Variants in XPOT observed in about 807,000 individuals in gnomAD.
XPOT encodes the protein exportin for tRNA.
In XPOT, 34 loss-of-function variants were observed where a neutral mutation model predicts 128.2. That is an observed-to-expected ratio of 0.27 (90% confidence interval 0.20 to 0.35). The LOEUF (loss-of-function observed/expected upper bound fraction) is 0.35, where lower values mean the gene tolerates loss of function less well. Among genes scored for constraint, XPOT ranks in the 10% least tolerant of loss-of-function variants. The pLI, the probability that XPOT is intolerant of heterozygous loss-of-function variation, is 1.00. For synonymous variants in XPOT, 348 were observed against 394.3 expected, an observed-to-expected ratio of 0.88 and a Z score of 1.39; for missense variants, 838 against 1,125.3, an observed-to-expected ratio of 0.74 and a Z score of 3.65.
At chr12:64,444,825 G>A (rs893112339) in intron 23 of XPOT, among the ~76,000 whole-genome samples, 1 of 151,970 alleles carries the variant, frequency 6.6e-6, no homozygotes, top group African/African-American at 2.4e-5. Flanking sequence ...TTTAAAAAAA[G>A]AGCTGGGCAC....
rs1171814954 is a variant in XPOT at position 64,414,957 on chromosome 12, G to A, written c.111G>A (p.Val37=). ...QLKISPDAWQ[V]CAEALAQRTY... ...AAATTTCCCCAGATGCCTGGCAGGT[G>A]TGTGCAGAAGCTCTAGCCCAGAGGA... Residue 37 remains valine (V), a synonymous_variant, in exon 3 of 25, where the codon GTG becomes GTA. Transcript: ENST00000332707. The A allele has an allele frequency of 6.2e-7, 1 of 1,613,632 alleles. No homozygotes were observed. Among genetic ancestry groups the A allele is most frequent in the African/African-American group, 1.3e-5 (1 of 75,042 alleles).
chr12:64,446,971 G>A (rs1230616086), intron 24 of XPOT, among the ~76,000 whole-genome samples: 1 of 152,136 alleles, frequency 6.6e-6, no homozygotes, highest in South Asian at 2.1e-4. Flanking sequence ...AGCTTTATTG[G>A]ATTTACAGTT....
rs143954659 is a variant in XPOT at position 64,441,041 on chromosome 12, A to G, written c.2805+1726A>G. On this transcript the variant is annotated intron_variant, in intron 23 of 24. Transcript: ENST00000332707. ...ACCAGCATCTTGAAGCTTTTCTCCT[A>G]TGTTTTCTTCTAGTTTTGCAGTTTG... Among the ~76,000 whole-genome samples, 629 of 152,210 alleles carry G rather than the reference A, an allele frequency of 4.1e-3. 6 individuals carry two copies. Among genetic ancestry groups the G allele is most frequent in the African/African-American group, 0.014 (598 of 41,524 alleles).
chr12:64,404,516 C>G lies in XPOT; in HGVS notation c.-363C>G, dbSNP rs1592519859. ...GCGGCGGCGTTAGCCGGCCCTCGCG[C>G]TCTTTCCCTTCCTGGGGCGCCGACC... On this transcript the variant is annotated 5_prime_UTR_variant, in exon 1 of 25. Transcript: ENST00000332707. The G allele has an allele frequency of 6.3e-6, 1 of 158,230 alleles. No individual in the cohort carries two copies. Among genetic ancestry groups the G allele is most frequent in the African/African-American group, 2.4e-5 (1 of 41,460 alleles). 9.8% of individuals were successfully genotyped at this position (158,230 alleles called of 1,614,324 possible). A position where few individuals can be genotyped will look rare whatever the true frequency, so the allele number is the denominator to read the frequency against.
chr12:64,434,081 T>C (rs2040261576), intron 19 of XPOT, among the ~76,000 whole-genome samples: 1 of 152,190 alleles, frequency 6.6e-6, no homozygotes, highest in Non-Finnish European at 1.5e-5. Context: ...AGTGGTGTCA[T>C]CACGACTCAT....
At chr12:64,441,982 A>G (rs892620892) in intron 23 of XPOT, among the ~76,000 whole-genome samples, 9 of 152,020 alleles carry the variant, frequency 5.9e-5, no homozygotes, top group African/African-American at 1.9e-4. Flanking sequence ...CCTGGCCATT[A>G]AGAAGCATTT....
intron 16 of XPOT, among the ~76,000 whole-genome samples, chr12:64,428,444 A>T (rs911972233): frequency 9.2e-5 from 14 of 152,200 alleles, no homozygotes; most frequent in Non-Finnish European, 1.9e-4. Context: ...AAAAGAAAAT[A>T]AAAATTTAAA....
intron 3 of XPOT, 132 bp from the exon 4 acceptor site, chr12:64,416,566 C>T (rs2040089169): frequency 9.6e-6 from 6 of 624,488 alleles, no homozygotes; most frequent in Non-Finnish European, 1.4e-5. Context: ...AAAATGAGAC[C>T]AGTAAGTATG....
chr12:64,414,981 G>C lies in XPOT; in HGVS notation c.135G>C (p.Arg45Ser), dbSNP rs1355060366. 6.2e-7 allele frequency: 1 copy of C among 1,610,224 alleles called. No individual in the cohort carries two copies. Among genetic ancestry groups the C allele is most frequent in the South Asian group, 1.1e-5 (1 of 90,912 alleles). The change falls in exon 3 of 25, where the codon AGG (arginine) becomes AGC (serine). Residue 45 changes from arginine to serine, a missense_variant. This residue lies in a region of XPOT where 761 missense variants were observed against 988.3 expected (regional missense o/e 0.77). Transcript: ENST00000332707. The part of the protein sequence containing the change: ...WQVCAEALAQ[R>S]TYSDDHVKFF... Reference sequence around the variant, plus strand: ...TGTGTGCAGAAGCTCTAGCCCAGAGGACATACAGGTAATTAAAAACAAAAT... The same window carrying C: ...TGTGTGCAGAAGCTCTAGCCCAGAGCACATACAGGTAATTAAAAACAAAAT...
Position 64,424,623 on chromosome 12 carries a change from G to T in XPOT, c.1207G>T (p.Glu403Ter). ...GGGTGAAGATGAAGCCATGTTTGTAGAATATAGAAAACAACTGAAGTTACT... is the reference window on the plus strand; with the variant it reads ...GGGTGAAGATGAAGCCATGTTTGTATAATATAGAAAACAACTGAAGTTACT... ...NEGEDEAMFV[E>*]YRKQLKLLLD... Residue 403 changes from glutamate (E) to a stop codon, truncating the protein, a stop_gained, in exon 12 of 25, where the codon GAA becomes TAA. Coordinates refer to ENST00000332707, the MANE Select transcript of XPOT (RefSeq NM_007235.6). LOFTEE classifies it high-confidence loss of function. 6.2e-7 allele frequency: 1 copy of T among 1,612,056 alleles called. No homozygotes were observed. Among genetic ancestry groups the T allele is most frequent in the Non-Finnish European group, 8.5e-7 (1 of 1,179,892 alleles).
chr12:64,431,166 A>C (rs1477025920), intron 17 of XPOT, among the ~76,000 whole-genome samples: 1 of 151,874 alleles, frequency 6.6e-6, no homozygotes, highest in Admixed American at 6.6e-5. Flanking sequence ...CTGGTCTTGA[A>C]CTCCTGGCCT....
intron 15 of XPOT, among the ~76,000 whole-genome samples, chr12:64,427,322 T>C (rs1260788446): frequency 6.6e-6 from 1 of 151,934 alleles, no homozygotes; most frequent in Non-Finnish European, 1.5e-5. Context: ...GGCTTCACCA[T>C]GTTGGTCAGG....
At chr12:64,419,312 C>A (rs1417431669) in intron 6 of XPOT, among the ~76,000 whole-genome samples, 1 of 151,800 alleles carries the variant, frequency 6.6e-6, no homozygotes, top group Non-Finnish European at 1.5e-5. Context: ...TATTACATTA[C>A]ATTTTTTATT....
chr12:64,407,182 C>A (rs1203994464), intron 1 of XPOT, among the ~76,000 whole-genome samples: 1 of 152,062 alleles, frequency 6.6e-6, no homozygotes, highest in Admixed American at 6.6e-5. Flanking sequence ...TCAAGACAGT[C>A]CTTGCCCTTT....
chr12:64,435,808 AAGT>A (rs1461258271), intron 22 of XPOT, 134 bp downstream of exon 22: 1 of 763,100 alleles, frequency 1.3e-6, no homozygotes. Context: ...GGATGAATGA[AAGT>A]AGCAGTATCC....
At chr12:64,444,974 AAAAAAAAAAAAAAATT>A in intron 23 of XPOT, 85 bp from the exon 24 acceptor site, 1 of 209,382 alleles carries the variant, frequency 4.8e-6, no homozygotes, top group Admixed American at 1.7e-4. Context: ...CCATCTCTTA[AAAAAAAAAAAAAAATT>A]AAAAAAAAAA....
At position 64,423,200 on chromosome 12, in the gene XPOT, A is replaced by G. The variant is rs776195241; in HGVS notation, c.1138A>G (p.Met380Val). Reference protein sequence around the residue: ...ANVEAIMLAVMKKLTYDEEYN... With the variant: ...ANVEAIMLAVVKKLTYDEEYN... ...TTCTTAGGCAATCATGTTGGCCGTT[A>G]TGAAAAAATTGACTTACGATGAAGA... Residue 380 changes from methionine to valine, a missense_variant, in exon 11 of 25, where the codon ATG becomes GTG. Around this residue, in one of 3 missense-constraint regions of XPOT, gnomAD observed 761 missense variants for 988.3 expected, o/e 0.77. Transcript: ENST00000332707. 5 of 1,596,854 alleles carry G rather than the reference A, an allele frequency of 3.1e-6. No homozygotes were observed. The highest frequency in any genetic ancestry group is 2.6e-6 in the Non-Finnish European group (3 of 1,175,774).
rs772636226 is a variant in XPOT at position 64,434,452 on chromosome 12, G to T, written c.2453-55G>T. On this transcript the variant is annotated intron_variant, in intron 19 of 24. Coordinates refer to ENST00000332707, the MANE Select transcript of XPOT (RefSeq NM_007235.6). ...AATGTATATGAAAAGAGAACTTCAG[G>T]TTGCTTTCCTAGTTAATTTTGGAAA... 3.8e-4 allele frequency: 465 copies of T among 1,220,180 alleles called. 1 individual carries two copies. Among genetic ancestry groups the T allele is most frequent in the Non-Finnish European group, 5.2e-4 (433 of 833,686 alleles). The allele number at this position is 1,220,180 out of a possible 1,614,324, so 75.6% of individuals were successfully genotyped here. A position where few individuals can be genotyped will look rare whatever the true frequency, so the allele number is the denominator to read the frequency against.
intron 8 of XPOT, among the ~76,000 whole-genome samples, 185 bp from the exon 9 acceptor site, chr12:64,421,050 C>T (rs1384355620): frequency 1.1e-4 from 16 of 152,196 alleles, no homozygotes; most frequent in Admixed American, 9.8e-4. Context: ...AATCCACCCA[C>T]TTCGGCCTTC....
Sources: allele counts gnomAD v4.1 joint callset (sites outside exome capture counted in the v4.1 genomes callset), GRCh38; gene constraint gnomAD v4.1.1; regional missense constraint gnomAD v4.1.1; transcripts MANE v1.5; gene names NCBI Gene and HGNC (gene_info 2026-07-23, HGNC 2026-07-21).